The following SEMA6D variants were observed in gnomAD, a reference collection of about 807,000 sequenced individuals.
The protein encoded by SEMA6D is semaphorin 6D, also known as semaphorin-6D.
SEMA6D carries 35 observed loss-of-function variants against 106.6 expected under a neutral mutation model. The observed-to-expected ratio is 0.33, with a 90% CI of 0.25 to 0.44. The LOEUF (loss-of-function observed/expected upper bound fraction) is 0.44, where lower values mean the gene tolerates loss of function less well. SEMA6D is among the 20% of genes least tolerant of loss of function. SEMA6D has a pLI of 1.00. For synonymous variants in SEMA6D, 499 were observed against 487.7 expected, an observed-to-expected ratio of 1.02 and a Z score of -0.31; for missense variants, 1,185 against 1,345.9, an observed-to-expected ratio of 0.88 and a Z score of 1.87.
chr15:47,401,499 C>T (rs2040398998), intron 1 of SEMA6D, among the ~76,000 whole-genome samples: 1 of 152,134 alleles, frequency 6.6e-6, no homozygotes, highest in Non-Finnish European at 1.5e-5. Flanking sequence ...TTTTGTAAAA[C>T]TTCAGTTCTC....
At chr15:47,646,543 T>C (rs532755144) in intron 4 of SEMA6D, among the ~76,000 whole-genome samples, 1 of 152,162 alleles carries the variant, frequency 6.6e-6, no homozygotes, top group African/African-American at 2.4e-5. Flanking sequence ...AAGAAGAAAA[T>C]CAAATTGCTG....
At chr15:47,730,703 C>T in intron 1 of SEMA6D, 1 of 1,607,336 alleles carries the variant, frequency 6.2e-7, no homozygotes. Flanking sequence ...TGGTTAATCG[C>T]AGGAGGCACT....
At chr15:47,695,505 C>T (rs2078679951) in intron 4 of SEMA6D, among the ~76,000 whole-genome samples, 1 of 152,070 alleles carries the variant, frequency 6.6e-6, no homozygotes. Flanking sequence ...GTTACACACA[C>T]ACACGCATAG....
chr15:47,560,507 A>ATTT (rs2046047550), intron 3 of SEMA6D, among the ~76,000 whole-genome samples: 1 of 152,120 alleles, frequency 6.6e-6, no homozygotes, highest in Non-Finnish European at 1.5e-5. Flanking sequence ...AATAGAGATT[A>ATTT]TCCAGTCTGA....
intron 4 of SEMA6D, among the ~76,000 whole-genome samples, chr15:47,652,726 C>A (rs893423846): frequency 4.6e-5 from 7 of 152,150 alleles, no homozygotes; most frequent in Non-Finnish European, 8.8e-5. Flanking sequence ...AAGCAAGGTC[C>A]AAAGGAAGGT....
At chr15:47,658,591 G>A (rs1211372438) in intron 4 of SEMA6D, among the ~76,000 whole-genome samples, 1 of 152,112 alleles carries the variant, frequency 6.6e-6, no homozygotes, top group Non-Finnish European at 1.5e-5. Flanking sequence ...AAAGGTACTT[G>A]TGTCCAATTT....
chr15:47,759,809 T>C lies in SEMA6D; in HGVS notation c.11T>C (p.Phe4Ser). 6.2e-7 allele frequency: 1 copy of C among 1,613,722 alleles called. No individual in the cohort carries two copies. The change falls in exon 2 of 19, where the codon TTC (phenylalanine) becomes TCC (serine). Residue 4 changes from phenylalanine (F) to serine (S), a missense_variant. By Grantham distance (155) the Phe-to-Ser change is radical. This residue lies in a region of SEMA6D where 144 missense variants were observed against 138.6 expected (regional missense o/e 1.04). Coordinates refer to ENST00000536845, the MANE Select transcript of SEMA6D (RefSeq NM_001358351.3). ...TCACCTTGGCCCACCATGAGGGTCT[T>C]CCTGCTTTGTGCCTACATACTGCTG... MRV[F>S]LLCAYILLLM...
At chr15:47,326,516 CA>C (rs1421830836) in intron 1 of SEMA6D, among the ~76,000 whole-genome samples, 3 of 152,208 alleles carry the variant, frequency 2.0e-5, no homozygotes. Flanking sequence ...CCTCCATTCT[CA>C]AAATTTGCTT....
intron 1 of SEMA6D, among the ~76,000 whole-genome samples, chr15:47,384,814 G>GATTT (rs2039761158): frequency 1.5e-5 from 1 of 65,694 alleles, no homozygotes; most frequent in African/African-American, 5.3e-5. Context: ...GATTACTAAA[G>GATTT]TTTTTTTTTT....
chr15:47,564,244 G>A (rs1472728750), intron 3 of SEMA6D, among the ~76,000 whole-genome samples: 1 of 152,156 alleles, frequency 6.6e-6, no homozygotes, highest in East Asian at 1.9e-4. Context: ...CCATCTTCTT[G>A]AGAGAAGAAA....
chr15:47,517,342 C>A (rs898518887), intron 3 of SEMA6D, among the ~76,000 whole-genome samples: 1 of 152,016 alleles, frequency 6.6e-6, no homozygotes, highest in African/African-American at 2.4e-5. Flanking sequence ...TCTCTGAAAT[C>A]CTCCTACTTG....
intron 3 of SEMA6D, among the ~76,000 whole-genome samples, chr15:47,473,614 C>T (rs1596088256): frequency 6.6e-6 from 1 of 152,070 alleles, no homozygotes; most frequent in East Asian, 1.9e-4. Context: ...ATTTTTCATG[C>T]GTTAGAGAAT....
At chr15:47,763,710 T>G in intron 9 of SEMA6D, 140 bp from the exon 10 acceptor site, 1 of 760,408 alleles carries the variant, frequency 1.3e-6, no homozygotes, top group Non-Finnish European at 2.3e-6. Flanking sequence ...ACTGAACAGA[T>G]CCCTAGAGAG....
chr15:47,739,148 A>G (rs991555312), intron 1 of SEMA6D, among the ~76,000 whole-genome samples: 1 of 152,236 alleles, frequency 6.6e-6, no homozygotes, highest in Non-Finnish European at 1.5e-5. Context: ...CCAGATTCAC[A>G]GGGAGGATAT....
At chr15:47,213,612 G>T (rs1052451840) in intron 1 of SEMA6D, among the ~76,000 whole-genome samples, 8 of 152,134 alleles carry the variant, frequency 5.3e-5, no homozygotes, top group Admixed American at 1.3e-4. Context: ...CCAGGTTTTT[G>T]ATTTGAAAAC....
intron 1 of SEMA6D, among the ~76,000 whole-genome samples, chr15:47,740,208 T>C (rs79218609): frequency 0.036 from 5,511 of 152,186 alleles, 257 homozygotes; most frequent in African/African-American, 0.11. Context: ...AGTATTTTTG[T>C]TGATAGTTGA....
chr15:47,668,740 C>G (rs1373538911), intron 4 of SEMA6D, among the ~76,000 whole-genome samples: 1 of 152,156 alleles, frequency 6.6e-6, no homozygotes, highest in Non-Finnish European at 1.5e-5. Context: ...CCATCCTCCC[C>G]CTTGTACCTG....
chr15:47,690,775 G>C (rs1201959222), intron 4 of SEMA6D, among the ~76,000 whole-genome samples: 2 of 149,066 alleles, frequency 1.3e-5, no homozygotes, highest in African/African-American at 4.8e-5. Flanking sequence ...ATAGTCTTTT[G>C]TAGAAACCGG....
intron 3 of SEMA6D, among the ~76,000 whole-genome samples, chr15:47,545,018 A>G (rs1289597885): frequency 6.6e-6 from 1 of 152,072 alleles, no homozygotes; most frequent in Non-Finnish European, 1.5e-5. Flanking sequence ...AACTACTATA[A>G]TGGGAATTGC....
Sources: gnomAD v4.1 joint callset for allele counts (sites outside exome capture counted in the v4.1 genomes callset) on GRCh38, gnomAD v4.1.1 for gene constraint, gnomAD v4.1.1 regional missense constraint, MANE v1.5 for transcripts, NCBI Gene and HGNC (gene_info 2026-07-23, HGNC 2026-07-21) for gene names.